The following RBPMS variants were observed in gnomAD, a reference collection of about 807,000 sequenced individuals.
RBPMS encodes RNA-binding protein with multiple splicing.
Under a neutral mutation model 26.8 loss-of-function variants are expected in RBPMS, and 7 were observed. The observed-to-expected ratio is 0.26, with a 90% CI of 0.15 to 0.49. The LOEUF is 0.49. Ranked by LOEUF, RBPMS falls within the 20% of genes least tolerant of loss-of-function variation. RBPMS has a pLI of 0.98. For missense variants in RBPMS, 186 were observed against 250.0 expected (o/e 0.74, Z 1.73); for synonymous variants, 96 against 93.3 (o/e 1.03, Z -0.17).
chr8:30,518,687 C>CTGTTTTTTTTTTTTTTTTTTT (rs1822627032), intron 5 of RBPMS, among the ~76,000 whole-genome samples: 1 of 18,236 alleles, frequency 5.5e-5, no homozygotes, highest in Non-Finnish European at 9.8e-5. Context: ...CCAAGCATGA[C>CTGTTTTTTTTTTTTTTTTTTT]TTTTTTTTTT....
At chr8:30,495,182 G>C (rs889604417) in intron 4 of RBPMS, among the ~76,000 whole-genome samples, 2 of 151,744 alleles carry the variant, frequency 1.3e-5, no homozygotes, top group African/African-American at 4.8e-5. Flanking sequence ...TTCTAGACTA[G>C]ACATGGAAAC....
chr8:30,534,409 A>G (rs550095322), intron 5 of RBPMS, among the ~76,000 whole-genome samples: 27 of 152,342 alleles, frequency 1.8e-4, no homozygotes, highest in Non-Finnish European at 2.5e-4. Flanking sequence ...GCACAAAATA[A>G]ATACTTGTTC....
intron 5 of RBPMS, among the ~76,000 whole-genome samples, chr8:30,533,690 G>A (rs1260662613): frequency 6.6e-6 from 1 of 152,200 alleles, no homozygotes; most frequent in African/African-American, 2.4e-5. Context: ...TCTGGTGCTA[G>A]TGAATAAGTA....
intron 8 of RBPMS, among the ~76,000 whole-genome samples, chr8:30,568,242 T>C (rs1211480775): frequency 2.6e-5 from 4 of 152,312 alleles, no homozygotes; most frequent in Middle Eastern, 6.8e-3. Context: ...AGAACATTCC[T>C]TATCTGACTT....
chr8:30,554,063 A>G (rs1422394942), intron 6 of RBPMS, among the ~76,000 whole-genome samples: 1 of 152,246 alleles, frequency 6.6e-6, no homozygotes, highest in Non-Finnish European at 1.5e-5. Flanking sequence ...GGCATGAGCC[A>G]CGGCGCCCTG....
At chr8:30,462,136 C>T (rs1473408778) in intron 1 of RBPMS, among the ~76,000 whole-genome samples, 1 of 152,110 alleles carries the variant, frequency 6.6e-6, no homozygotes, top group Non-Finnish European at 1.5e-5. Flanking sequence ...AATAGGTGCC[C>T]AAGGGTACAA....
At chr8:30,546,371 G>T (rs1406909264) in intron 6 of RBPMS, among the ~76,000 whole-genome samples, 1 of 152,214 alleles carries the variant, frequency 6.6e-6, no homozygotes, top group African/African-American at 2.4e-5. Context: ...TGGGAATAGT[G>T]GCTTTTGGCC....
chr8:30,500,742 G>A (rs538730773), intron 4 of RBPMS, among the ~76,000 whole-genome samples: 25 of 152,198 alleles, frequency 1.6e-4, no homozygotes, highest in African/African-American at 6.0e-4. Context: ...TGTCACTTTA[G>A]GCTGCAGCTG....
At chr8:30,565,660 T>G (rs1476442291) in intron 7 of RBPMS, 1 of 152,282 alleles carries the variant, frequency 6.6e-6, no homozygotes, top group African/African-American at 2.4e-5. Context: ...TAGCCAGATA[T>G]CTTCACAAAT....
chr8:30,434,866 C>T (rs1170073500), intron 1 of RBPMS, among the ~76,000 whole-genome samples: 1 of 151,962 alleles, frequency 6.6e-6, no homozygotes, highest in Non-Finnish European at 1.5e-5. Context: ...TAATCTGCAT[C>T]TAAGGGTTCT....
intron 1 of RBPMS, among the ~76,000 whole-genome samples, chr8:30,472,318 A>G (rs544436636): frequency 3.3e-5 from 5 of 152,308 alleles, no homozygotes; most frequent in Non-Finnish European, 5.9e-5. Flanking sequence ...AAGGGTACAT[A>G]CTCTGTGGTT....
chr8:30,549,083 T>A (rs1181204188), intron 6 of RBPMS, among the ~76,000 whole-genome samples: 3 of 152,152 alleles, frequency 2.0e-5, no homozygotes, highest in Non-Finnish European at 2.9e-5. Context: ...CTCTGATGGT[T>A]TTGGCTTCCA....
chr8:30,464,841 CTT>C (rs1471586925), intron 1 of RBPMS, among the ~76,000 whole-genome samples: 1 of 152,082 alleles, frequency 6.6e-6, no homozygotes, highest in Admixed American at 6.5e-5. Context: ...ATGGAAAAGT[CTT>C]TATTGTGGTG....
At chr8:30,509,844 C>T (rs895836480) in intron 5 of RBPMS, among the ~76,000 whole-genome samples, 2 of 152,048 alleles carry the variant, frequency 1.3e-5, no homozygotes. Flanking sequence ...TAACCAAAAT[C>T]CTACATGCTT....
intron 4 of RBPMS, among the ~76,000 whole-genome samples, chr8:30,489,255 C>T (rs988257299): frequency 6.6e-6 from 1 of 152,006 alleles, no homozygotes; most frequent in African/African-American, 2.4e-5. Context: ...CTGTATTGCC[C>T]AGGCTGGCCT....
intron 5 of RBPMS, among the ~76,000 whole-genome samples, chr8:30,511,492 T>A (rs1441179249): frequency 0.013 from 11 of 826 alleles, no homozygotes; most frequent in African/African-American, 0.036. Flanking sequence ...AAAAAATATA[T>A]ATATATATAT....
chr8:30,555,553 G>C (rs1166326751), intron 6 of RBPMS, among the ~76,000 whole-genome samples: 1 of 152,208 alleles, frequency 6.6e-6, no homozygotes, highest in African/African-American at 2.4e-5. Flanking sequence ...ATTTGAGAGA[G>C]AGAACTATGG....
rs574567174 is a variant in RBPMS at position 30,523,476 on chromosome 8, T to C, written c.397+19040T>C. On this transcript the variant is annotated intron_variant, in intron 5 of 8. Transcript: ENST00000397323. ...TACAATGAGATAATATACTTTAAAA[T>C]GTGTTGAGTACTACATAATGGCATG... Among the ~76,000 whole-genome samples the C allele has an allele frequency of 3.3e-5, 5 of 151,714 alleles. No individual in the cohort carries two copies. The South Asian group carries it at 8.4e-4, about 25-fold the overall frequency.
At chr8:30,519,087 C>G (rs1440664907) in intron 5 of RBPMS, among the ~76,000 whole-genome samples, 1 of 152,130 alleles carries the variant, frequency 6.6e-6, no homozygotes, top group East Asian at 1.9e-4. Flanking sequence ...ACTCCTGTCT[C>G]ATGGAATCAG....
Sources: gnomAD v4.1 joint callset for allele counts (sites outside exome capture counted in the v4.1 genomes callset) on GRCh38, gnomAD v4.1.1 for gene constraint, MANE v1.5 for transcripts, NCBI Gene and HGNC (gene_info 2026-07-23, HGNC 2026-07-21) for gene names.